The following SCAF8 variants were observed in gnomAD, a reference collection of about 807,000 sequenced individuals.
The protein encoded by SCAF8 is SR-related CTD associated factor 8.
SCAF8 carries 23 observed loss-of-function variants against 140.5 expected under a neutral mutation model. The ratio of observed to expected loss-of-function variants is 0.16; its 90% CI spans 0.12 to 0.23. The LOEUF (loss-of-function observed/expected upper bound fraction) is 0.23, where lower values mean the gene tolerates loss of function less well. SCAF8 is among the 10% of genes least tolerant of loss of function. The pLI, the probability that SCAF8 is intolerant of heterozygous loss-of-function variation, is 1.00. For missense variants in SCAF8, 1,397 were observed against 1,555.7 expected (o/e 0.90, Z 1.72); for synonymous variants, 575 against 528.9 (o/e 1.09, Z -1.20).
intron 16 of SCAF8, 128 bp downstream of exon 16, chr6:154,822,537 G>A (rs2114678263): frequency 2.1e-6 from 2 of 942,206 alleles, no homozygotes; most frequent in Non-Finnish European, 3.1e-6. Flanking sequence ...GTAGTGTTAG[G>A]GAAAAGAATA....
In SCAF8 at chr6:154,820,165, C is replaced by T. The variant is rs1451397961; in HGVS notation, c.1636-12C>T. Reference sequence around the variant, plus strand: ...TATAACCTTTCTTTTTTCCTCTTCCCATTTACAATAGATCGCTTGGGCTTT... The same window carrying T: ...TATAACCTTTCTTTTTTCCTCTTCCTATTTACAATAGATCGCTTGGGCTTT... On this transcript the variant is annotated splice_polypyrimidine_tract_variant and intron_variant, in intron 14 of 19. Transcript: ENST00000367178. 5.1e-6 allele frequency: 8 copies of T among 1,559,934 alleles called. No homozygotes were observed. Among genetic ancestry groups the T allele is most frequent in the Admixed American group, 2.2e-5 (1 of 45,828 alleles).
chr6:154,739,337 G>A (rs1045202766), intron 1 of SCAF8, among the ~76,000 whole-genome samples: 12 of 151,996 alleles, frequency 7.9e-5, no homozygotes, highest in African/African-American at 2.7e-4. Context: ...AAAAACAAAC[G>A]TAGTTCCTTT....
At chr6:154,795,240 GT>G in intron 6 of SCAF8, 101 bp downstream of exon 6, 2 of 1,039,516 alleles carry the variant, frequency 1.9e-6, no homozygotes, top group Non-Finnish European at 2.6e-6. Context: ...GCTTTTTTTA[GT>G]TTTATAAAAA....
At chr6:154,775,978 A>T (rs1776905696) in intron 2 of SCAF8, among the ~76,000 whole-genome samples, 2 of 152,092 alleles carry the variant, frequency 1.3e-5, no homozygotes, top group Admixed American at 6.5e-5. Flanking sequence ...AATCCTTGAT[A>T]CATACTTGAA....
At position 154,767,911 on chromosome 6, in the gene SCAF8, A is replaced by T. The variant is rs9384240; in HGVS notation, c.31-6078A>T. Among the ~76,000 whole-genome samples, 24 of 152,208 alleles carry T rather than the reference A, an allele frequency of 1.6e-4. No individual in the cohort carries two copies. The South Asian group carries it at 2.5e-3, about 16-fold the overall frequency. On this transcript the variant is annotated intron_variant, in intron 1 of 19. Coordinates refer to ENST00000367178, the MANE Select transcript of SCAF8 (RefSeq NM_014892.5). ...GATAAGTGATCCTTTGCTGGCATTA[A>T]ATTGTCCAGCTTTAGATCTGTCACC...
In SCAF8 at chr6:154,745,317, C is replaced by T. The variant is rs115096265; in HGVS notation, c.30+11387C>T. Among the ~76,000 whole-genome samples the T allele has an allele frequency of 3.0e-3, 453 of 152,302 alleles. 4 individuals are homozygous for T. The highest frequency in any genetic ancestry group is 0.011 in the African/African-American group (441 of 41,560). ...TAATATTGTATTCCTCTCAGCACAC[C>T]ATATCAGGAATCATGTTGTCCACAT... is the stretch of plus-strand genomic sequence containing the variant. On this transcript the variant is annotated intron_variant, in intron 1 of 19. Coordinates refer to ENST00000367178, the MANE Select transcript of SCAF8 (RefSeq NM_014892.5).
intron 1 of SCAF8, among the ~76,000 whole-genome samples, chr6:154,735,137 AAG>A (rs1172008022): frequency 1.4e-4 from 21 of 151,856 alleles, no homozygotes; most frequent in East Asian, 9.6e-4. Context: ...AAAAAAAAAA[AAG>A]AAAAAGAAAA....
At chr6:154,756,368 A>G (rs1396899713) in intron 1 of SCAF8, among the ~76,000 whole-genome samples, 23 of 152,266 alleles carry the variant, frequency 1.5e-4, no homozygotes, top group Admixed American at 1.2e-3. Flanking sequence ...CCACTATTTT[A>G]TAATGATATG....
chr6:154,811,648 G>A (rs748442477), intron 12 of SCAF8, among the ~76,000 whole-genome samples: 5 of 151,874 alleles, frequency 3.3e-5, no homozygotes, highest in Admixed American at 6.6e-5. Flanking sequence ...TCAACTTGTC[G>A]TTTACATTAG....
At chr6:154,797,619 C>T (rs1035856634) in intron 6 of SCAF8, among the ~76,000 whole-genome samples, 3 of 151,336 alleles carry the variant, frequency 2.0e-5, no homozygotes, top group Admixed American at 6.6e-5. Context: ...TGGTCTTGAT[C>T]TCCTGACCTT....
chr6:154,816,646 T>G (rs1778259854), intron 13 of SCAF8, among the ~76,000 whole-genome samples: 1 of 152,194 alleles, frequency 6.6e-6, no homozygotes, highest in Non-Finnish European at 1.5e-5. Context: ...GGCGTCTGAT[T>G]TCATTCCCTG....
chr6:154,813,078 A>C (rs1232567817), intron 12 of SCAF8, among the ~76,000 whole-genome samples: 2 of 151,408 alleles, frequency 1.3e-5, no homozygotes, highest in Non-Finnish European at 2.9e-5. Context: ...GGTGGTTCAC[A>C]CTTCTGTAGT....
intron 13 of SCAF8, 122 bp downstream of exon 13, chr6:154,815,938 G>A (rs905679369): frequency 3.9e-6 from 2 of 510,862 alleles, no homozygotes; most frequent in Non-Finnish European, 7.2e-6. Context: ...ATCTTTAAAA[G>A]GATTGCTTTA....
intron 1 of SCAF8, among the ~76,000 whole-genome samples, chr6:154,748,804 CT>C (rs1288712883): frequency 6.6e-6 from 1 of 152,172 alleles, no homozygotes; most frequent in Admixed American, 6.5e-5. Flanking sequence ...TGTTTAGAGG[CT>C]GCAGCATCAT....
At chr6:154,818,631 G>A in intron 14 of SCAF8, 39 bp downstream of exon 14, 1 of 1,008,186 alleles carries the variant, frequency 9.9e-7, no homozygotes, top group Non-Finnish European at 1.5e-6. Context: ...TAGGGGGGCA[G>A]TATTTTTAAT....
At chr6:154,820,432 A>T (rs146066746) in intron 15 of SCAF8, 99 bp downstream of exon 15, 1 of 942,912 alleles carries the variant, frequency 1.1e-6, no homozygotes, top group East Asian at 2.6e-5. Context: ...TGTATCCTGG[A>T]TTCATCTCCC....
chr6:154,758,517 G>A (rs1779021182), intron 1 of SCAF8, among the ~76,000 whole-genome samples: 1 of 152,136 alleles, frequency 6.6e-6, no homozygotes, highest in South Asian at 2.1e-4. Context: ...CGTAATTCTA[G>A]TATGAGCCCA....
At chr6:154,810,334 A>G in intron 12 of SCAF8, 126 bp downstream of exon 12, 1 of 608,906 alleles carries the variant, frequency 1.6e-6, no homozygotes, top group Non-Finnish European at 2.7e-6. Flanking sequence ...TAAATGAGTA[A>G]TGTCTCTGGT....
chr6:154,738,661 A>C (rs1050301266), intron 1 of SCAF8, among the ~76,000 whole-genome samples: 1 of 152,246 alleles, frequency 6.6e-6, no homozygotes, highest in East Asian at 1.9e-4. Flanking sequence ...TTATGAGTGC[A>C]AGCTATTGCA....
Sources: allele counts gnomAD v4.1 joint callset (sites outside exome capture counted in the v4.1 genomes callset), GRCh38; gene constraint gnomAD v4.1.1; transcripts MANE v1.5; gene names NCBI Gene and HGNC (gene_info 2026-07-23, HGNC 2026-07-21).